The following MRPL48 variants were observed in gnomAD, a reference collection of about 807,000 sequenced individuals.
The protein encoded by MRPL48 is mitochondrial ribosomal protein L48.
Under a neutral mutation model 32.9 loss-of-function variants are expected in MRPL48, and 16 were observed. The observed-to-expected ratio is 0.49, with a 90% CI of 0.33 to 0.74. The LOEUF is 0.74. MRPL48 is among the 30% of genes least tolerant of loss of function. MRPL48 has a pLI of 0.02. For synonymous variants in MRPL48, 94 were observed against 89.2 expected (o/e 1.05, Z -0.31); for missense variants, 206 against 245.3 (o/e 0.84, Z 1.07).
At chr11:73,809,637 C>T (rs1456673834) in intron 3 of MRPL48, among the ~76,000 whole-genome samples, 2 of 152,124 alleles carry the variant, frequency 1.3e-5, no homozygotes, top group African/African-American at 4.8e-5. Flanking sequence ...CTGTTTAATC[C>T]AAAATGAATG....
intron 4 of MRPL48, among the ~76,000 whole-genome samples, chr11:73,828,290 T>C (rs1330446118): frequency 6.6e-6 from 1 of 151,486 alleles, no homozygotes; most frequent in Non-Finnish European, 1.5e-5. Flanking sequence ...AGTGGTGCGA[T>C]CTCGGCTCAC....
chr11:73,809,177 C>A (rs1183937491), intron 3 of MRPL48, among the ~76,000 whole-genome samples: 1 of 151,830 alleles, frequency 6.6e-6, no homozygotes, highest in Non-Finnish European at 1.5e-5. Context: ...AATTGTAATA[C>A]AAACTGTAGT....
Position 73,835,140 on chromosome 11 carries a change from C to CT in MRPL48, c.201+9364dup, listed in dbSNP as rs35448499. 7.5e-3 allele frequency among the ~76,000 whole-genome samples: 814 copies of CT among 108,480 alleles called. 24 individuals are homozygous for CT. Among genetic ancestry groups the CT allele is most frequent in the African/African-American group, 0.022 (587 of 26,162 alleles). 71.2% of individuals were successfully genotyped at this position (108,480 alleles called of 152,430 possible). A position where few individuals can be genotyped will look rare whatever the true frequency, so the allele number is the denominator to read the frequency against. Reference sequence around the variant, plus strand: ...GAGCCACTGTGCCCAGCCATGTTGTCTTTTTTTTTTTTTTTTTTTTGAGAC... The same window carrying CT: ...GAGCCACTGTGCCCAGCCATGTTGTCTTTTTTTTTTTTTTTTTTTTTGAGAC... On this transcript the variant is annotated intron_variant, in intron 4 of 7. Coordinates refer to ENST00000310614, the MANE Select transcript of MRPL48 (RefSeq NM_016055.6).
intron 1 of MRPL48, 72 bp downstream of exon 1, chr11:73,788,064 T>C (rs1590918818): frequency 1.3e-6 from 2 of 1,535,432 alleles, no homozygotes; most frequent in Admixed American, 1.8e-5. Flanking sequence ...TGGCGGAGGG[T>C]GCAGAGCGGG....
At chr11:73,798,074 C>G in intron 1 of MRPL48, among the ~76,000 whole-genome samples, 1 of 151,954 alleles carries the variant, frequency 6.6e-6, no homozygotes, top group East Asian at 1.9e-4. Context: ...AGACTGGAAA[C>G]AAAAACAATT....
intron 5 of MRPL48, among the ~76,000 whole-genome samples, chr11:73,859,695 G>A (rs57998188): frequency 0.015 from 2,358 of 152,184 alleles, 62 homozygotes; most frequent in African/African-American, 0.054. Flanking sequence ...TATGATTAGA[G>A]ATGCAGAACT....
chr11:73,839,983 A>C (rs1948160951), intron 4 of MRPL48, among the ~76,000 whole-genome samples: 1 of 151,886 alleles, frequency 6.6e-6, no homozygotes, highest in African/African-American at 2.4e-5. Flanking sequence ...CTGTAGTCCC[A>C]GATACTTGGG....
chr11:73,788,203 G>A (rs1244307749), intron 1 of MRPL48, among the ~76,000 whole-genome samples: 1 of 152,040 alleles, frequency 6.6e-6, no homozygotes, highest in African/African-American at 2.4e-5. Context: ...GAACTCTGCC[G>A]AGCCGACCCG....
At chr11:73,863,959 CCT>C (rs1565115706) in intron 7 of MRPL48, among the ~76,000 whole-genome samples, 2 of 151,998 alleles carry the variant, frequency 1.3e-5, no homozygotes, top group African/African-American at 4.8e-5. Flanking sequence ...CAGTCCAATC[CCT>C]GTTTGTTTTA....
intron 3 of MRPL48, among the ~76,000 whole-genome samples, chr11:73,824,058 G>T (rs528375752): frequency 3.8e-4 from 58 of 151,884 alleles, no homozygotes; most frequent in African/African-American, 1.3e-3. Context: ...GTTTCACCAT[G>T]CTGGTCAGGC....
intron 4 of MRPL48, among the ~76,000 whole-genome samples, chr11:73,838,436 A>C (rs953023709): frequency 6.6e-6 from 1 of 152,180 alleles, no homozygotes; most frequent in South Asian, 2.1e-4. Flanking sequence ...GGACACTGGG[A>C]TCAGCTTTCT....
rs188183106 is a variant in MRPL48, at chr11:73,840,486, C to T, written c.202-4321C>T. Reference sequence around the variant, plus strand: ...TCCAGCCTGGGCAACAGAGTAAGACCCTGTTGTTGTTTTTTGTTTTTTGTT... The same window carrying T: ...TCCAGCCTGGGCAACAGAGTAAGACTCTGTTGTTGTTTTTTGTTTTTTGTT... On this transcript the variant is annotated intron_variant, in intron 4 of 7. Transcript: ENST00000310614. Among the ~76,000 whole-genome samples the T allele has an allele frequency of 3.9e-3, 586 of 152,122 alleles. 4 individuals are homozygous for T. The highest frequency in any genetic ancestry group is 6.5e-3 in the Non-Finnish European group (441 of 67,994).
chr11:73,794,194 A>ATCTGTCTG (rs368245694), intron 1 of MRPL48, among the ~76,000 whole-genome samples: 1 of 150,204 alleles, frequency 6.7e-6, no homozygotes, highest in Admixed American at 6.6e-5. Flanking sequence ...GTATCTATCT[A>ATCTGTCTG]TCTATCTATC....
At chr11:73,817,038 G>T (rs1364685325) in intron 3 of MRPL48, among the ~76,000 whole-genome samples, 5 of 151,592 alleles carry the variant, frequency 3.3e-5, no homozygotes, top group African/African-American at 1.2e-4. Context: ...CACCATGTTG[G>T]CCAGGCTGGT....
At chr11:73,847,712 G>A (rs780047295) in intron 5 of MRPL48, among the ~76,000 whole-genome samples, 5 of 152,030 alleles carry the variant, frequency 3.3e-5, no homozygotes, top group Non-Finnish European at 7.4e-5. Flanking sequence ...CCAAAGTGCT[G>A]GGATTACAGG....
intron 5 of MRPL48, among the ~76,000 whole-genome samples, chr11:73,845,601 C>T (rs1948273848): frequency 6.6e-6 from 1 of 151,736 alleles, no homozygotes; most frequent in Non-Finnish European, 1.5e-5. Flanking sequence ...AGCGAGACCT[C>T]GTCTCTACAA....
At chr11:73,794,967 A>G (rs1393589952) in intron 1 of MRPL48, among the ~76,000 whole-genome samples, 3 of 150,244 alleles carry the variant, frequency 2.0e-5, no homozygotes, top group East Asian at 3.9e-4. Flanking sequence ...CTGGAGTGCA[A>G]TAGTGTGACC....
chr11:73,828,192 G>A (rs1447365938), intron 4 of MRPL48, among the ~76,000 whole-genome samples: 1 of 150,870 alleles, frequency 6.6e-6, no homozygotes, highest in Admixed American at 6.6e-5. Context: ...AACTCTTGAT[G>A]CCTTGCCTAT....
chr11:73,863,292 T>A (rs1311983855), intron 7 of MRPL48, 31 bp downstream of exon 7: 1 of 1,512,506 alleles, frequency 6.6e-7, no homozygotes. Context: ...AGGCCCCTGC[T>A]GGCCTGCATA....
Sources: gnomAD v4.1 joint callset for allele counts (sites outside exome capture counted in the v4.1 genomes callset) on GRCh38, gnomAD v4.1.1 for gene constraint, MANE v1.5 for transcripts, NCBI Gene and HGNC (gene_info 2026-07-23, HGNC 2026-07-21) for gene names.